The following HAS2 variants were observed in gnomAD, a reference collection of about 807,000 sequenced individuals.
HAS2 encodes the protein hyaluronan synthase 2.
Under a neutral mutation model 51.6 loss-of-function variants are expected in HAS2, and 16 were observed. The ratio of observed to expected loss-of-function variants is 0.31; its 90% CI spans 0.21 to 0.47. The LOEUF (loss-of-function observed/expected upper bound fraction) is 0.47, where lower values mean the gene tolerates loss of function less well. Ranked by LOEUF, HAS2 falls within the 20% of genes least tolerant of loss-of-function variation. The pLI is 1.00. For missense variants in HAS2, 361 were observed against 662.6 expected, an observed-to-expected ratio of 0.54 and a Z score of 5.00; for synonymous variants, 228 against 235.5, an observed-to-expected ratio of 0.97 and a Z score of 0.29.
rs1246068584 is a variant in HAS2 at position 121,612,982 on chromosome 8, G to A, written c.*1127C>T. 3 of 150,784 alleles carry A rather than the reference G, an allele frequency of 2.0e-5. No homozygotes were observed. The highest frequency in any genetic ancestry group is 2.9e-5 in the Non-Finnish European group (2 of 67,814). The allele number at this position is 150,784 out of a possible 1,614,324, so 9.3% of individuals were successfully genotyped here. A position where few individuals can be genotyped will look rare whatever the true frequency, so the allele number is the denominator to read the frequency against. The stretch of plus-strand genomic sequence containing the variant: ...AAAAGACAGGCAAAACATGTTCAAT[G>A]TGTAGGTAGGACCCAGTAAATTCAG... On this transcript the variant is annotated 3_prime_UTR_variant, in exon 4 of 4. Coordinates refer to ENST00000303924, the MANE Select transcript of HAS2 (RefSeq NM_005328.3).
chr8:121,635,345 A>T (rs1398061971), intron 1 of HAS2, among the ~76,000 whole-genome samples: 1 of 152,206 alleles, frequency 6.6e-6, no homozygotes, highest in Non-Finnish European at 1.5e-5. Flanking sequence ...TAAAAAAGGA[A>T]TCTAAGTACA....
At chr8:121,638,041 C>T (rs1390015076) in intron 1 of HAS2, among the ~76,000 whole-genome samples, 1 of 152,182 alleles carries the variant, frequency 6.6e-6, no homozygotes, top group Admixed American at 6.5e-5. Context: ...AAGGGTATGT[C>T]TACCTTGATC....
At chr8:121,625,906 G>T (rs969046470) in intron 2 of HAS2, among the ~76,000 whole-genome samples, 3 of 151,876 alleles carry the variant, frequency 2.0e-5, no homozygotes, top group Non-Finnish European at 4.4e-5. Flanking sequence ...AGCATCATCA[G>T]ATAAATTTGC....
intron 2 of HAS2, among the ~76,000 whole-genome samples, chr8:121,621,602 A>G (rs1812774971): frequency 6.6e-6 from 1 of 152,198 alleles, no homozygotes; most frequent in Non-Finnish European, 1.5e-5. Context: ...AATCACTAAT[A>G]GGAACATAGG....
At chr8:121,631,974 C>A (rs1812936333) in intron 1 of HAS2, among the ~76,000 whole-genome samples, 1 of 152,244 alleles carries the variant, frequency 6.6e-6, no homozygotes, top group Non-Finnish European at 1.5e-5. Context: ...GTTGACATAG[C>A]ATCTGCTGGC....
chr8:121,620,292 T>TA (rs754519933), intron 2 of HAS2, among the ~76,000 whole-genome samples: 1 of 152,184 alleles, frequency 6.6e-6, no homozygotes, highest in Non-Finnish European at 1.5e-5. Flanking sequence ...TAGCCCTTCT[T>TA]AAAATCCATA....
chr8:121,629,846 TC>T (rs1812907221), intron 1 of HAS2, among the ~76,000 whole-genome samples: 1 of 152,182 alleles, frequency 6.6e-6, no homozygotes, highest in African/African-American at 2.4e-5. Flanking sequence ...TCAACTTACA[TC>T]CTTTCCCTGC....
At chr8:121,616,424 T>TTTTTTC (rs1278022408) in intron 3 of HAS2, among the ~76,000 whole-genome samples, 3 of 151,474 alleles carry the variant, frequency 2.0e-5, no homozygotes, top group East Asian at 1.9e-4. Context: ...CTTCTATTTC[T>TTTTTTC]TTTTTCTTTT....
At position 121,641,216 on chromosome 8, in the gene HAS2, C is replaced by A. The variant is rs866220126; in HGVS notation, c.-364G>T. 227 of 26,762 alleles carry A rather than the reference C, an allele frequency of 8.5e-3. 1 individual carries two copies. Among genetic ancestry groups the A allele is most frequent in the African/African-American group, 0.029 (209 of 7,226 alleles). 1.7% of individuals were successfully genotyped at this position (26,762 alleles called of 1,614,324 possible). ...CTTTCTGCCCCCGATAACAGAAAAT[C>A]TCTTTTTCGTCTTAAAAAAAAAAAA... On this transcript the variant is annotated 5_prime_UTR_variant, in exon 1 of 4. Transcript: ENST00000303924.
At chr8:121,622,597 G>T (rs1812787806) in intron 2 of HAS2, among the ~76,000 whole-genome samples, 1 of 151,560 alleles carries the variant, frequency 6.6e-6, no homozygotes, top group Non-Finnish European at 1.5e-5. Flanking sequence ...CACAATACAT[G>T]CAAGATTTGG....
At chr8:121,615,884 A>G (rs1812695008) in intron 3 of HAS2, among the ~76,000 whole-genome samples, 2 of 152,164 alleles carry the variant, frequency 1.3e-5, no homozygotes, top group East Asian at 1.9e-4. Flanking sequence ...AAGGCTATTG[A>G]AAATTATCAG....
intron 1 of HAS2, 66 bp from the exon 2 acceptor site, chr8:121,629,406 A>T: frequency 1.6e-6 from 2 of 1,248,964 alleles, no homozygotes; most frequent in Non-Finnish European, 2.3e-6. Context: ...TATACCTAGT[A>T]TCATGGGGAG....
At chr8:121,632,221 G>C (rs545094690) in intron 1 of HAS2, among the ~76,000 whole-genome samples, 1 of 152,280 alleles carries the variant, frequency 6.6e-6, no homozygotes, top group African/African-American at 2.4e-5. Context: ...TGATCTCAGG[G>C]AGTGACACAT....
intron 2 of HAS2, among the ~76,000 whole-genome samples, chr8:121,617,586 G>GA (rs796090826): frequency 2.0e-4 from 29 of 145,668 alleles, no homozygotes; most frequent in African/African-American, 3.0e-4. Flanking sequence ...GTCTGTTTAA[G>GA]AAAAAAAAAA....
At chr8:121,630,974 C>A (rs890329738) in intron 1 of HAS2, among the ~76,000 whole-genome samples, 5 of 152,170 alleles carry the variant, frequency 3.3e-5, no homozygotes, top group Admixed American at 1.3e-4. Flanking sequence ...ACCTTTCCTT[C>A]CTGAGCATAG....
chr8:121,627,298 C>T (rs1812867693), intron 2 of HAS2, among the ~76,000 whole-genome samples: 1 of 152,108 alleles, frequency 6.6e-6, no homozygotes, highest in South Asian at 2.1e-4. Flanking sequence ...CAAAGTTGTA[C>T]TATGTAAATA....
At chr8:121,625,558 G>A (rs1003934962) in intron 2 of HAS2, among the ~76,000 whole-genome samples, 1 of 143,518 alleles carries the variant, frequency 7.0e-6, no homozygotes, top group African/African-American at 2.6e-5. Flanking sequence ...ATCTTTCTCT[G>A]TTACCCAGGC....
intron 1 of HAS2, among the ~76,000 whole-genome samples, chr8:121,640,635 T>C (rs997874106): frequency 2.0e-5 from 3 of 152,164 alleles, no homozygotes; most frequent in Non-Finnish European, 4.4e-5. Context: ...AGCGGATTTC[T>C]GGCGAGAGCC....
At chr8:121,617,490 T>C (rs553745470) in intron 2 of HAS2, among the ~76,000 whole-genome samples, 1 of 152,230 alleles carries the variant, frequency 6.6e-6, no homozygotes, top group East Asian at 1.9e-4. Context: ...CAGTTTGCCA[T>C]AGATGCTCCC....
Sources: allele counts gnomAD v4.1 joint callset (sites outside exome capture counted in the v4.1 genomes callset), GRCh38; gene constraint gnomAD v4.1.1; transcripts MANE v1.5; gene names NCBI Gene and HGNC (gene_info 2026-07-23, HGNC 2026-07-21).